Variants in CHD7 observed in about 807,000 individuals in gnomAD.
The protein encoded by CHD7 is ATP-dependent chromatin remodeler CHD7.
CHD7 carries 24 observed loss-of-function variants against 307.3 expected under a neutral mutation model. That is an observed-to-expected ratio of 0.08 (90% confidence interval 0.06 to 0.11). The LOEUF (loss-of-function observed/expected upper bound fraction) is 0.11. Among genes scored for constraint, CHD7 ranks in the 10% least tolerant of loss-of-function variants. The pLI is 1.00. For missense variants in CHD7, 3,106 were observed against 3,727.1 expected, an observed-to-expected ratio of 0.83 and a Z score of 4.34; for synonymous variants, 1,363 against 1,349.9, an observed-to-expected ratio of 1.01 and a Z score of -0.21.
rs1060504849 is a variant in CHD7 at position 60,808,231 on chromosome 8, G to A, written c.2457G>A (p.Glu819=). 7 of 1,597,288 alleles carry A rather than the reference G, an allele frequency of 4.4e-6. No individual in the cohort carries two copies. In the Admixed American group the frequency reaches 6.8e-5, roughly 15 times the overall value. Residue 819 remains glutamate, a synonymous_variant, in exon 7 of 38, where the codon GAG becomes GAA. Transcript: ENST00000423902. ...TTTTGTTGCAGAAGGAATCTGGAGA[G>A]GAGGTAGAAATTGAGGAATTCTATG... ...RSVKKQKESG[E]EVEIEEFYVK...
chr8:60,799,208 CTTGT>C lies in CHD7; in HGVS notation c.2239-1177_2239-1174del, dbSNP rs200739936. Among the ~76,000 whole-genome samples the C allele has an allele frequency of 2.0e-4, 31 of 152,196 alleles. No homozygotes were observed. The East Asian group carries it at 3.7e-3, about 18-fold the overall frequency. ...TCTTAAGCTACTTCTTGTTATGTGGCTTGTTTTTCTTCTTATTTTACAATTAGTC... is the reference window on the plus strand; with the variant it reads ...TCTTAAGCTACTTCTTGTTATGTGGCTTTTCTTCTTATTTTACAATTAGTC... On this transcript the variant is annotated intron_variant, in intron 4 of 37. Transcript: ENST00000423902.
At chr8:60,721,327 A>G (rs910135571) in intron 1 of CHD7, among the ~76,000 whole-genome samples, 2 of 152,218 alleles carry the variant, frequency 1.3e-5, no homozygotes, top group Non-Finnish European at 1.5e-5. Context: ...TTGACAAAAA[A>G]GAGGCCATGT....
At chr8:60,862,499 G>C in intron 36 of CHD7, 49 bp from the exon 37 acceptor site, 1 of 1,514,178 alleles carries the variant, frequency 6.6e-7, no homozygotes. Context: ...TTAACAGAAA[G>C]GGGAGGGAAG....
At position 60,853,016 on chromosome 8, in the gene CHD7, C is replaced by T. The variant is rs1414492044; in HGVS notation, c.6291C>T (p.Asp2097=). The part of the protein sequence containing the change: ...LPEWWECGRH[D]RDLLVGAAKH... ...AGTGGTGGGAGTGTGGACGGCATGA[C>T]CGAGACTTGCTGGTTGGTGCTGCTA... is the stretch of plus-strand genomic sequence containing the variant. The change falls in exon 31 of 38, where the codon GAC becomes GAT. Residue 2097 remains aspartate (D), a synonymous_variant. Coordinates refer to ENST00000423902, the MANE Select transcript of CHD7 (RefSeq NM_017780.4). The T allele has an allele frequency of 8.7e-6, 14 of 1,613,872 alleles. No homozygotes were observed. The Admixed American group carries it at 2.3e-4, about 27-fold the overall frequency.
intron 37 of CHD7, chr8:60,864,290 T>C (rs1440640837): frequency 6.6e-6 from 1 of 151,976 alleles, no homozygotes; most frequent in East Asian, 1.9e-4. Context: ...TGGATATTTT[T>C]TTTTTATTTT....
At chr8:60,738,683 G>A (rs1011809219) in intron 1 of CHD7, among the ~76,000 whole-genome samples, 1 of 152,128 alleles carries the variant, frequency 6.6e-6, no homozygotes, top group Non-Finnish European at 1.5e-5. Context: ...GTTGCCAGCT[G>A]GGTCTTGAGG....
intron 6 of CHD7, among the ~76,000 whole-genome samples, chr8:60,804,292 T>C (rs1314675329): frequency 6.6e-6 from 1 of 152,252 alleles, no homozygotes; most frequent in Non-Finnish European, 1.5e-5. Context: ...AGTCAGCTTG[T>C]AGCTGTTTCT....
chr8:60,841,049 C>T (rs896811523), intron 19 of CHD7, among the ~76,000 whole-genome samples: 2 of 152,196 alleles, frequency 1.3e-5, no homozygotes, highest in Non-Finnish European at 2.9e-5. Context: ...CAACTTGTGA[C>T]TCTGGTTATG....
At chr8:60,849,807 C>T (rs770753712) in intron 25 of CHD7, among the ~76,000 whole-genome samples, 5 of 152,178 alleles carry the variant, frequency 3.3e-5, no homozygotes, top group Non-Finnish European at 7.3e-5. Flanking sequence ...CAGTTAGGAG[C>T]GGTGTGTTGT....
chr8:60,741,948 G>C lies in CHD7; in HGVS notation c.516G>C (p.Pro172=). The part of the protein sequence containing the change: ...QQQPQPQPPQ[P]APSGPPAQGH... ...AGCCACAGCCGCAGCCACCGCAGCC[G>C]GCTCCGTCGGGGCCCCCTGCACAGG... Residue 172 remains proline (P), a synonymous_variant, in exon 2 of 38, where the codon CCG becomes CCC. Coordinates refer to ENST00000423902, the MANE Select transcript of CHD7 (RefSeq NM_017780.4). 1.9e-6 allele frequency: 3 copies of C among 1,613,520 alleles called. No individual in the cohort carries two copies. Among genetic ancestry groups the C allele is most frequent in the African/African-American group, 1.3e-5 (1 of 75,012 alleles).
chr8:60,784,993 T>C (rs1349814825), intron 3 of CHD7, among the ~76,000 whole-genome samples: 1 of 152,218 alleles, frequency 6.6e-6, no homozygotes, highest in Non-Finnish European at 1.5e-5. Context: ...TCGTTGCTAA[T>C]ATTGAAAATA....
chr8:60,701,583 G>T (rs561790255), intron 1 of CHD7, among the ~76,000 whole-genome samples: 1 of 152,246 alleles, frequency 6.6e-6, no homozygotes, highest in African/African-American at 2.4e-5. Context: ...TTTCTTTTAT[G>T]TAACTGTCTA....
chr8:60,814,434 T>C (rs757889636), intron 7 of CHD7, among the ~76,000 whole-genome samples: 3 of 152,220 alleles, frequency 2.0e-5, no homozygotes, highest in Non-Finnish European at 4.4e-5. Flanking sequence ...TTTTATAATA[T>C]GTGTTTCTTT....
intron 1 of CHD7, among the ~76,000 whole-genome samples, chr8:60,717,614 GTTGA>G (rs1328554767): frequency 1.3e-5 from 2 of 152,104 alleles, no homozygotes; most frequent in African/African-American, 4.8e-5. Flanking sequence ...ACCCCTGAAA[GTTGA>G]TTGATTGAAG....
At position 60,856,750 on chromosome 8, in the gene CHD7, G is replaced by A. The variant is rs780608336; in HGVS notation, c.7470G>A (p.Ser2490=). ...TQMELLQAGL[S]RTPTRHLLNG... ...TGGAACTGCTCCAAGCAGGCCTTTC[G>A]CGCACACCCACAAGGCATCTCCTTA... Residue 2490 remains serine, a synonymous_variant, in exon 34 of 38, where the codon TCG becomes TCA. Transcript: ENST00000423902. 45 of 1,613,836 alleles carry A rather than the reference G, an allele frequency of 2.8e-5. No homozygotes were observed. The highest frequency in any genetic ancestry group is 1.5e-4 in the South Asian group (14 of 91,088).
At chr8:60,755,525 AT>A (rs2150605701) in intron 2 of CHD7, among the ~76,000 whole-genome samples, 1 of 152,220 alleles carries the variant, frequency 6.6e-6, no homozygotes, top group South Asian at 2.1e-4. Context: ...GTTTTTAAAT[AT>A]TTTTAACAAT....
chr8:60,860,624 G>A (rs1805926140), intron 34 of CHD7, among the ~76,000 whole-genome samples: 1 of 152,192 alleles, frequency 6.6e-6, no homozygotes, highest in Non-Finnish European at 1.5e-5. Context: ...TTGTAAAGAT[G>A]GGGTTTCACC....
chr8:60,715,817 C>A (rs114820149), intron 1 of CHD7, among the ~76,000 whole-genome samples: 1,955 of 152,106 alleles, frequency 0.013, 44 homozygotes, highest in African/African-American at 0.045. Context: ...GGAAAAAAAC[C>A]CTAAACTTGG....
rs1375346888 is a variant in CHD7 at position 60,851,242 on chromosome 8, T to A, written c.5608-20T>A. ...GAGACCCCAAATTAAAGTAATTCTG[T>A]TTCTTGCTTTGCTTTCAAGGAATTT... is the stretch of plus-strand genomic sequence containing the variant. On this transcript the variant is annotated intron_variant, in intron 27 of 37. Transcript: ENST00000423902. 3.9e-6 allele frequency: 6 copies of A among 1,549,918 alleles called. No individual in the cohort carries two copies. The African/African-American group carries it at 6.8e-5, about 18-fold the overall frequency.
Sources: allele counts gnomAD v4.1 joint callset (sites outside exome capture counted in the v4.1 genomes callset), GRCh38; gene constraint gnomAD v4.1.1; transcripts MANE v1.5; gene names NCBI Gene and HGNC (gene_info 2026-07-23, HGNC 2026-07-21).